The following TLN1 variants were observed in gnomAD, a reference collection of about 807,000 sequenced individuals.
TLN1 encodes the protein talin 1.
In TLN1, 56 loss-of-function variants were observed where a neutral mutation model predicts 292.3. The ratio of observed to expected loss-of-function variants is 0.19; its 90% CI spans 0.15 to 0.24. TLN1 has a LOEUF of 0.24. TLN1 is among the 10% of genes least tolerant of loss of function. The pLI, the probability that TLN1 is intolerant of heterozygous loss-of-function variation, is 1.00. For synonymous variants in TLN1, 1,119 were observed against 1,253.7 expected, an observed-to-expected ratio of 0.89 and a Z score of 2.27; for missense variants, 2,433 against 3,248.2, an observed-to-expected ratio of 0.75 and a Z score of 6.10.
chr9:35,698,845 G>T lies in TLN1; in HGVS notation c.7088C>A (p.Ala2363Glu). Reference protein sequence around the residue: ...AAATSALVKAASAAQRELVAQ... With the variant: ...AAATSALVKAESAAQRELVAQ... The stretch of plus-strand genomic sequence containing the variant: ...CACTAGTTCTCTCTGGGCAGCCGAC[G>T]CAGCCTTTACCAGTGCACTGGTGGC... The change falls in exon 53 of 57, where the codon GCG (alanine) becomes GAG (glutamate). Residue 2363 changes from alanine (A) to glutamate (E), a missense_variant. Transcript: ENST00000314888. This position sits in a 1 kb window ranked among gnomAD's most constrained non-coding sequence, Gnocchi z 5.3. 1 of 1,614,144 alleles carries T rather than the reference G, an allele frequency of 6.2e-7. No individual in the cohort carries two copies. Among genetic ancestry groups the T allele is most frequent in the Non-Finnish European group, 8.5e-7 (1 of 1,180,024 alleles).
chr9:35,704,201 TCTCCCCTACCCG>T lies in TLN1; in HGVS notation c.6048-39_6048-28del, dbSNP rs1366301151. On this transcript the variant is annotated intron_variant, in intron 45 of 56. Coordinates refer to ENST00000314888, the MANE Select transcript of TLN1 (RefSeq NM_006289.4). The surrounding 1 kb of genome is among the most constrained non-coding windows in gnomAD (Gnocchi z 6.9). ...TGAGGGAGGGCCCAGCTTAGTCAGA[TCTCCCCTACCCG>T]CTCCAGCCCGTCCAAGGTGCCTGGT... The T allele has an allele frequency of 1.3e-6, 2 of 1,574,004 alleles. No homozygotes were observed.
intron 48 of TLN1, 50 bp from the exon 49 acceptor site, chr9:35,700,426 G>C (rs1825445087): frequency 1.3e-6 from 2 of 1,552,024 alleles, no homozygotes; most frequent in Admixed American, 1.8e-5. Context: ...GAGACTATGA[G>C]ACAGCGTAGA....
Position 35,724,156 on chromosome 9 carries a change from T to C in TLN1, c.654+36A>G. The C allele has an allele frequency of 6.2e-7, 1 of 1,613,994 alleles. No homozygotes were observed. Among genetic ancestry groups the C allele is most frequent in the Non-Finnish European group, 8.5e-7 (1 of 1,179,868 alleles). The stretch of plus-strand genomic sequence containing the variant: ...GCACACTGTGCTTCCGAGCCCTCCC[T>C]ATTCCTGCCCCACCCCAGCCAAGTC... On this transcript the variant is annotated intron_variant, in intron 6 of 56. Transcript: ENST00000314888. The surrounding 1 kb of genome is among the most constrained non-coding windows in gnomAD (Gnocchi z 4.7).
intron 1 of TLN1, among the ~76,000 whole-genome samples, chr9:35,730,844 A>C (rs1221003311): frequency 6.6e-6 from 1 of 152,152 alleles, no homozygotes; most frequent in African/African-American, 2.4e-5. Context: ...CAGGGGATTC[A>C]GTTATTCCCT....
intron 17 of TLN1, among the ~76,000 whole-genome samples, chr9:35,718,403 A>G (rs1187529995): frequency 2.0e-5 from 3 of 152,202 alleles, no homozygotes; most frequent in Non-Finnish European, 4.4e-5. Context: ...CTGGATGCAC[A>G]TATCTGCATG....
At chr9:35,710,772 C>A in intron 32 of TLN1, 25 bp downstream of exon 32, 1 of 1,614,094 alleles carries the variant, frequency 6.2e-7, no homozygotes, top group African/African-American at 1.3e-5. Context: ...TGCCCTCTCT[C>A]CTCCGAGTTC....
At chr9:35,727,117 C>A (rs1825991393) in intron 1 of TLN1, among the ~76,000 whole-genome samples, 1 of 152,202 alleles carries the variant, frequency 6.6e-6, no homozygotes, top group Admixed American at 6.5e-5. Flanking sequence ...TGCAAGAGGA[C>A]AAGTCTGCCC....
Position 35,714,561 on chromosome 9 carries a change from G to C in TLN1, c.2985+13C>G, listed in dbSNP as rs13298152. 1 of 1,606,628 alleles carries C rather than the reference G, an allele frequency of 6.2e-7. No individual in the cohort carries two copies. The highest frequency in any genetic ancestry group is 8.5e-7 in the Non-Finnish European group (1 of 1,179,574). On this transcript the variant is annotated intron_variant, in intron 23 of 56. Coordinates refer to ENST00000314888, the MANE Select transcript of TLN1 (RefSeq NM_006289.4). This position sits in a 1 kb window ranked among gnomAD's most constrained non-coding sequence, Gnocchi z 4.6. ...GAAGGTCAGGTCAGAGAAGTGCAGA[G>C]GGGGTGCCTTGCCTGCAGGAAGCTC...
At chr9:35,708,532 G>A (rs776450187) in intron 33 of TLN1, 48 bp from the exon 34 acceptor site, 1 of 1,487,464 alleles carries the variant, frequency 6.7e-7, no homozygotes, top group Non-Finnish European at 9.0e-7. Flanking sequence ...ATTGCAGGTG[G>A]GAAATGAATA....
chr9:35,715,302 TCTAA>T, intron 20 of TLN1, 115 bp from the exon 21 acceptor site: 2 of 1,402,202 alleles, frequency 1.4e-6, no homozygotes, highest in African/African-American at 2.9e-5. Context: ...TGAAGTCATC[TCTAA>T]CTAGCCCCAC....
rs1323814162 is a variant in TLN1, at chr9:35,700,391, G to C, written c.6475-15C>G. On this transcript the variant is annotated splice_polypyrimidine_tract_variant and intron_variant, in intron 48 of 56. Transcript: ENST00000314888. ...GAACAGAAAACCTGTGGGGGCAGAA[G>C]AAGAAGAAAGATTTTACAGTGGCTG... The C allele has an allele frequency of 2.6e-5, 42 of 1,589,236 alleles. No individual in the cohort carries two copies. The highest frequency in any genetic ancestry group is 3.5e-5 in the Non-Finnish European group (41 of 1,161,416).
At chr9:35,720,626 T>C (rs1825864211) in intron 11 of TLN1, 117 bp from the exon 12 acceptor site, 1 of 1,180,636 alleles carries the variant, frequency 8.5e-7, no homozygotes, top group African/African-American at 1.6e-5. Context: ...TCCATTTCTT[T>C]TTCTTTTTTT....
intron 1 of TLN1, among the ~76,000 whole-genome samples, chr9:35,727,318 G>T (rs1227842022): frequency 6.6e-6 from 1 of 152,190 alleles, no homozygotes; most frequent in East Asian, 1.9e-4. Context: ...GAAAGCCAGG[G>T]AAGTTAAGAA....
At chr9:35,716,366 G>GAGTGTGC in intron 20 of TLN1, 24 bp downstream of exon 20, 2 of 1,613,682 alleles carry the variant, frequency 1.2e-6, no homozygotes, top group Non-Finnish European at 1.7e-6. Flanking sequence ...TCCAGTCTGG[G>GAGTGTGC]AGTGTGCACA....
In TLN1 at chr9:35,697,439, G is replaced by A. The variant is rs2295793; in HGVS notation, c.*352C>T. ...GTGGGGGAAGATAGTATCAAAAAAC[G>A]GTGAAGAGAGCTGATGAGGCTGTGG... is the stretch of plus-strand genomic sequence containing the variant. On this transcript the variant is annotated 3_prime_UTR_variant, in exon 57 of 57. Coordinates refer to ENST00000314888, the MANE Select transcript of TLN1 (RefSeq NM_006289.4). 69 of 262,772 alleles carry A rather than the reference G, an allele frequency of 2.6e-4. No homozygotes were observed. The East Asian group carries it at 5.3e-3, about 20-fold the overall frequency. The allele number at this position is 262,772 out of a possible 1,614,324, so 16.3% of individuals were successfully genotyped here.
Position 35,724,014 on chromosome 9 carries a change from G to A in TLN1, c.720C>T (p.Gly240=). The A allele has an allele frequency of 6.2e-7, 1 of 1,613,952 alleles. No homozygotes were observed. Among genetic ancestry groups the A allele is most frequent in the African/African-American group, 1.3e-5 (1 of 75,034 alleles). ...GCCCAAACTGGATCTGGCATTGGAA[G>A]CCAGCAAACTCACAGGCCTTGTCAA... ...VSFDKACEFA[G]FQCQIQFGPH... Residue 240 remains glycine (G), a synonymous_variant, in exon 7 of 57, where the codon GGC becomes GGT. Transcript: ENST00000314888. This position sits in a 1 kb window ranked among gnomAD's most constrained non-coding sequence, Gnocchi z 4.7.
chr9:35,712,209 C>T, intron 27 of TLN1, 85 bp from the exon 28 acceptor site: 2 of 1,480,620 alleles, frequency 1.4e-6, no homozygotes, highest in Non-Finnish European at 1.8e-6. Context: ...AGATGACTAG[C>T]TCTACTGCCT....
At chr9:35,723,354 T>C in intron 7 of TLN1, 1 of 201,248 alleles carries the variant, frequency 5.0e-6, no homozygotes, top group Non-Finnish European at 1.0e-5. Flanking sequence ...CTGCCCGCCC[T>C]GGCCTCCCAA....
chr9:35,711,404 G>T lies in TLN1; in HGVS notation c.3880-10C>A. 6.2e-7 allele frequency: 1 copy of T among 1,614,190 alleles called. No individual in the cohort carries two copies. Among genetic ancestry groups the T allele is most frequent in the Non-Finnish European group, 8.5e-7 (1 of 1,180,026 alleles). On this transcript the variant is annotated splice_polypyrimidine_tract_variant and intron_variant, in intron 29 of 56. Transcript: ENST00000314888. ...CTCGGTCCTCCTGGCTCTGTTGAAG[G>T]TGACAAGGTCAATGCATTGTCCTGT...
Sources: allele counts gnomAD v4.1 joint callset (sites outside exome capture counted in the v4.1 genomes callset), GRCh38; gene constraint gnomAD v4.1.1; non-coding constraint Gnocchi (gnomAD v3.1); transcripts MANE v1.5; gene names NCBI Gene and HGNC (gene_info 2026-07-23, HGNC 2026-07-21).